CAMK1D: variants seen among roughly 807,000 people sequenced by gnomAD.
The protein encoded by CAMK1D is calcium/calmodulin dependent protein kinase ID, also known as calcium/calmodulin-dependent protein kinase type 1D.
A neutral mutation model predicts 47.7 loss-of-function variants in CAMK1D; 9 were observed. The ratio of observed to expected loss-of-function variants is 0.19; its 90% CI spans 0.11 to 0.33. CAMK1D has a LOEUF of 0.33. CAMK1D is among the 10% of genes least tolerant of loss of function. The pLI is 1.00. For synonymous variants in CAMK1D, 184 were observed against 184.9 expected (o/e 0.99, Z 0.04); for missense variants, 291 against 488.7 (o/e 0.60, Z 3.81).
chr10:12,456,372 A>G (rs1833242942), intron 1 of CAMK1D: 1 of 152,148 alleles, frequency 6.6e-6, no homozygotes, highest in African/African-American at 2.4e-5. Context: ...ATAGGTTGCT[A>G]GAGGGGAAAC....
intron 5 of CAMK1D, among the ~76,000 whole-genome samples, chr10:12,786,530 A>G (rs760076814): frequency 6.6e-6 from 1 of 152,136 alleles, no homozygotes; most frequent in Non-Finnish European, 1.5e-5. Flanking sequence ...CAAAGCAGAA[A>G]TCTTATGTAT....
At chr10:12,682,152 G>A (rs1195567204) in intron 3 of CAMK1D, among the ~76,000 whole-genome samples, 3 of 152,170 alleles carry the variant, frequency 2.0e-5, no homozygotes, top group East Asian at 1.9e-4. Flanking sequence ...CCCGGGAGGC[G>A]GAGCTTGCAG....
chr10:12,760,689 A>G (rs1836460226), intron 3 of CAMK1D: 1 of 389,050 alleles, frequency 2.6e-6, no homozygotes, highest in Non-Finnish European at 4.8e-6. Context: ...GAACAGAGGC[A>G]GAGGCCTGGA....
intron 2 of CAMK1D, among the ~76,000 whole-genome samples, chr10:12,591,608 C>T (rs567961731): frequency 3.3e-5 from 5 of 152,180 alleles, no homozygotes; most frequent in East Asian, 3.9e-4. Context: ...AGGGAAAGAC[C>T]CAGGAAGAAG....
chr10:12,711,698 G>T (rs982825444), intron 3 of CAMK1D, among the ~76,000 whole-genome samples: 1 of 152,130 alleles, frequency 6.6e-6, no homozygotes, highest in Admixed American at 6.5e-5. Context: ...GCTCTGGCCC[G>T]GAGCCGGAGT....
chr10:12,537,723 G>T (rs912649409), intron 1 of CAMK1D, among the ~76,000 whole-genome samples: 12 of 152,204 alleles, frequency 7.9e-5, no homozygotes, highest in African/African-American at 2.9e-4. Flanking sequence ...GAAGCCCTTG[G>T]CATAACAGGG....
intron 2 of CAMK1D, among the ~76,000 whole-genome samples, chr10:12,656,381 A>G (rs1170622021): frequency 6.6e-6 from 1 of 152,272 alleles, no homozygotes. Flanking sequence ...GGTCCTAGCT[A>G]CTTGGGAGAC....
intron 1 of CAMK1D, among the ~76,000 whole-genome samples, chr10:12,394,315 A>T (rs1171270395): frequency 2.0e-5 from 3 of 151,906 alleles, no homozygotes; most frequent in Admixed American, 2.0e-4. Flanking sequence ...AACTCCCCAG[A>T]CCTCTCCAAT....
intron 3 of CAMK1D, among the ~76,000 whole-genome samples, chr10:12,731,623 G>A (rs552569565): frequency 1.3e-5 from 2 of 152,258 alleles, no homozygotes; most frequent in Admixed American, 6.5e-5. Context: ...GAAGAGGGAC[G>A]GTGTATGGCA....
At chr10:12,736,308 G>A (rs2130829986) in intron 3 of CAMK1D, among the ~76,000 whole-genome samples, 1 of 152,270 alleles carries the variant, frequency 6.6e-6, no homozygotes, top group East Asian at 1.9e-4. Context: ...GCGTCCCCAA[G>A]GAGTGGTATA....
chr10:12,360,960 C>T (rs1245532968), intron 1 of CAMK1D, among the ~76,000 whole-genome samples: 1 of 152,096 alleles, frequency 6.6e-6, no homozygotes, highest in Non-Finnish European at 1.5e-5. Context: ...GTCCACGTCA[C>T]CAGGAAAAAT....
chr10:12,543,051 T>C (rs760144256), intron 1 of CAMK1D, among the ~76,000 whole-genome samples: 24 of 151,578 alleles, frequency 1.6e-4, no homozygotes, highest in Non-Finnish European at 3.2e-4. Context: ...CTGGCTATTA[T>C]TATTATTTCT....
At chr10:12,734,623 C>T (rs539252481) in intron 3 of CAMK1D, among the ~76,000 whole-genome samples, 16 of 151,038 alleles carry the variant, frequency 1.1e-4, no homozygotes, top group African/African-American at 3.9e-4. Flanking sequence ...CCCTCTTTGA[C>T]TCTGATACTA....
At chr10:12,710,865 A>G (rs1833911228) in intron 3 of CAMK1D, among the ~76,000 whole-genome samples, 1 of 152,224 alleles carries the variant, frequency 6.6e-6, no homozygotes, top group Non-Finnish European at 1.5e-5. Context: ...CAGGGTATAT[A>G]AAAAGTTATC....
intron 1 of CAMK1D, among the ~76,000 whole-genome samples, chr10:12,420,512 C>G (rs1237193770): frequency 2.0e-5 from 3 of 151,944 alleles, no homozygotes; most frequent in African/African-American, 4.8e-5. Flanking sequence ...CTAATTAACC[C>G]TTATTGATTT....
chr10:12,741,909 G>A (rs773675849), intron 3 of CAMK1D, among the ~76,000 whole-genome samples: 2 of 152,176 alleles, frequency 1.3e-5, no homozygotes, highest in Non-Finnish European at 2.9e-5. Context: ...GATGTGAGCT[G>A]CTCCTAGAGA....
chr10:12,532,437 G>A (rs1433381766), intron 1 of CAMK1D, among the ~76,000 whole-genome samples: 3 of 152,014 alleles, frequency 2.0e-5, no homozygotes, highest in Non-Finnish European at 4.4e-5. Flanking sequence ...CCGCCACTAC[G>A]CCTGGCTAAT....
intron 3 of CAMK1D, among the ~76,000 whole-genome samples, chr10:12,680,794 G>T (rs538144115): frequency 2.6e-5 from 4 of 151,448 alleles, no homozygotes; most frequent in Non-Finnish European, 4.4e-5. Flanking sequence ...ATCCTTGCTC[G>T]TGATTGCTTG....
chr10:12,412,158 A>G lies in CAMK1D; in HGVS notation c.92+62248A>G, dbSNP rs147804381. On this transcript the variant is annotated intron_variant, in intron 1 of 10. Coordinates refer to ENST00000619168, the MANE Select transcript of CAMK1D (RefSeq NM_153498.4). ...GCAAATGGGGCTTTTCTTTTATCAC[A>G]GTCCTCATCTCCTGGTGCCTCCTGC... 1.5e-3 allele frequency among the ~76,000 whole-genome samples: 235 copies of G among 152,242 alleles called. 3 individuals are homozygous for G. In the East Asian group the frequency reaches 0.037, roughly 24 times the overall value.
Sources: gnomAD v4.1 joint callset for allele counts (sites outside exome capture counted in the v4.1 genomes callset) on GRCh38, gnomAD v4.1.1 for gene constraint, MANE v1.5 for transcripts, NCBI Gene and HGNC (gene_info 2026-07-23, HGNC 2026-07-21) for gene names.